Variants in ELP4 observed in about 807,000 individuals in gnomAD.
ELP4 encodes elongator acetyltransferase complex subunit 4, also known as elongator complex protein 4.
Under a neutral mutation model 48.9 loss-of-function variants are expected in ELP4, and 51 were observed. The ratio of observed to expected loss-of-function variants is 1.04; its 90% CI spans 0.83 to 1.32. ELP4 has a LOEUF of 1.32. Ranked by LOEUF, ELP4 falls within the 40% of genes most tolerant of loss-of-function variation. The pLI, the probability that ELP4 is intolerant of heterozygous loss-of-function variation, is 0.00. For missense variants in ELP4, 519 were observed against 514.6 expected (o/e 1.01, Z -0.08); for synonymous variants, 210 against 189.2 (o/e 1.11, Z -0.90).
At chr11:31,685,141 A>G (rs561202706) in intron 9 of ELP4, among the ~76,000 whole-genome samples, 1 of 152,240 alleles carries the variant, frequency 6.6e-6, no homozygotes, top group South Asian at 2.1e-4. Flanking sequence ...TCATGAGGTC[A>G]GGAGATCAAG....
chr11:31,547,197 G>T (rs1459013727), intron 3 of ELP4, among the ~76,000 whole-genome samples: 2 of 152,136 alleles, frequency 1.3e-5, no homozygotes, highest in Non-Finnish European at 2.9e-5. Flanking sequence ...GAATCCAGGA[G>T]CTTGTTTTTT....
At chr11:31,529,169 G>A (rs1441547454) in intron 2 of ELP4, among the ~76,000 whole-genome samples, 1 of 151,654 alleles carries the variant, frequency 6.6e-6, no homozygotes, top group Non-Finnish European at 1.5e-5. Flanking sequence ...CATGAGAAGT[G>A]CAGTGCAGTG....
intron 9 of ELP4, among the ~76,000 whole-genome samples, chr11:31,695,746 C>T (rs1191505497): frequency 7.2e-6 from 1 of 139,130 alleles, no homozygotes; most frequent in Non-Finnish European, 1.6e-5. Context: ...GGAATGGTAC[C>T]AGCTCCTCCT....
intron 9 of ELP4, among the ~76,000 whole-genome samples, chr11:31,690,267 T>C (rs916294548): frequency 6.6e-6 from 1 of 152,090 alleles, no homozygotes; most frequent in Non-Finnish European, 1.5e-5. Context: ...ATTTGGGGCA[T>C]AGCTGCTTTC....
chr11:31,591,816 G>A (rs1468530066), intron 3 of ELP4, among the ~76,000 whole-genome samples: 3 of 152,132 alleles, frequency 2.0e-5, no homozygotes, highest in African/African-American at 4.8e-5. Flanking sequence ...AATATTTACA[G>A]CAGCATTACT....
Position 31,783,497 on chromosome 11 carries a change from C to G in ELP4, c.1248C>G (p.Ala416=), listed in dbSNP as rs61736888. 1 of 1,614,014 alleles carries G rather than the reference C, an allele frequency of 6.2e-7. No individual in the cohort carries two copies. The highest frequency in any genetic ancestry group is 8.5e-7 in the Non-Finnish European group (1 of 1,179,936). Residue 416 remains alanine (A), a synonymous_variant, in exon 10 of 10, where the codon GCC becomes GCG. Coordinates refer to ENST00000640961, the MANE Select transcript of ELP4 (RefSeq NM_019040.5). ...TGGGCCCAGGCTGTGGCATGATGGCCGGAGGCAAGAAGCACCTGGACTTCT... is the reference window on the plus strand; with the variant it reads ...TGGGCCCAGGCTGTGGCATGATGGCGGGAGGCAAGAAGCACCTGGACTTCT... ...KRLGPGCGMM[A]GGKKHLDF is the part of the protein sequence containing the mutation.
chr11:31,615,056 C>A (rs533370900), intron 5 of ELP4, among the ~76,000 whole-genome samples: 2 of 152,150 alleles, frequency 1.3e-5, no homozygotes, highest in South Asian at 4.2e-4. Context: ...TATTGTTCTC[C>A]TCTAGAAGAA....
Position 31,783,410 on chromosome 11 carries a change from A to T in ELP4, c.1161A>T (p.Pro387=), listed in dbSNP as rs751078095. The change falls in exon 10 of 10, where the codon CCA becomes CCT. Residue 387 remains proline, a synonymous_variant. Coordinates refer to ENST00000640961, the MANE Select transcript of ELP4 (RefSeq NM_019040.5). ...TGCCATAGCGACTGCATTTGCCTCC[A>T]GACTTGTCAGACACAGTGAGCCGCT... is the stretch of plus-strand genomic sequence containing the variant. The part of the protein sequence containing the change: ...LFTIERLHLP[P]DLSDTVSRSS... The T allele has an allele frequency of 6.2e-6, 10 of 1,613,528 alleles. No homozygotes were observed. The highest frequency in any genetic ancestry group is 8.5e-6 in the Non-Finnish European group (10 of 1,179,684).
chr11:31,611,331 C>T (rs1353941723), intron 5 of ELP4, among the ~76,000 whole-genome samples: 1 of 152,086 alleles, frequency 6.6e-6, no homozygotes, highest in East Asian at 1.9e-4. Context: ...TTTAAGTAGC[C>T]ATATATAATT....
At chr11:31,665,655 CTTTTTTTTTT>C (rs71060496) in intron 9 of ELP4, among the ~76,000 whole-genome samples, 1 of 79,660 alleles carries the variant, frequency 1.3e-5, no homozygotes, top group African/African-American at 4.2e-5. Flanking sequence ...GTCTCTCTTC[CTTTTTTTTTT>C]TTTTTTTTTT....
chr11:31,771,423 T>C (rs1948140069), intron 9 of ELP4, among the ~76,000 whole-genome samples: 1 of 152,132 alleles, frequency 6.6e-6, no homozygotes, highest in Non-Finnish European at 1.5e-5. Context: ...AGAAATAAGC[T>C]CACATCACTT....
chr11:31,718,981 G>C (rs568214478), intron 9 of ELP4, among the ~76,000 whole-genome samples: 12 of 152,170 alleles, frequency 7.9e-5, no homozygotes, highest in Non-Finnish European at 1.8e-4. Context: ...AGTACAGCCT[G>C]GGCACAGTGG....
chr11:31,691,633 T>C (rs1484303849), intron 9 of ELP4, among the ~76,000 whole-genome samples: 1 of 152,052 alleles, frequency 6.6e-6, no homozygotes, highest in South Asian at 2.1e-4. Flanking sequence ...CTGGCAGTGG[T>C]TTTTTTAACC....
At chr11:31,581,543 G>A (rs139135325) in intron 3 of ELP4, among the ~76,000 whole-genome samples, 318 of 151,498 alleles carry the variant, frequency 2.1e-3, no homozygotes, top group African/African-American at 7.0e-3. Flanking sequence ...TGTTCCTGAC[G>A]TGTTCACACC....
At chr11:31,518,924 T>C (rs1682427222) in intron 1 of ELP4, among the ~76,000 whole-genome samples, 1 of 151,638 alleles carries the variant, frequency 6.6e-6, no homozygotes, top group Non-Finnish European at 1.5e-5. Flanking sequence ...AAATTCCCGT[T>C]TCTCAGCCTC....
At chr11:31,679,464 G>A (rs531067030) in intron 9 of ELP4, among the ~76,000 whole-genome samples, 1 of 152,208 alleles carries the variant, frequency 6.6e-6, no homozygotes, top group South Asian at 2.1e-4. Context: ...TTCTTCTGAG[G>A]CCTCTCTACT....
intron 9 of ELP4, among the ~76,000 whole-genome samples, chr11:31,668,675 C>CATGTGTGTGTGTGGGTGT (rs757792983): frequency 8.3e-6 from 1 of 121,040 alleles, no homozygotes; most frequent in Non-Finnish European, 1.7e-5. Context: ...CCTTTGGTAC[C>CATGTGTGTGTGTGGGTGT]GTGTGTGTGT....
Position 31,787,518 on chromosome 11 carries a change from C to G in ELP4, c.*3994C>G, listed in dbSNP as rs79739975. 1 of 232,968 alleles carries G rather than the reference C, an allele frequency of 4.3e-6. No individual in the cohort carries two copies. Among genetic ancestry groups the G allele is most frequent in the African/African-American group, 2.2e-5 (1 of 45,432 alleles). The allele number at this position is 232,968 out of a possible 1,614,324, so 14.4% of individuals were successfully genotyped here. On this transcript the variant is annotated 3_prime_UTR_variant, in exon 10 of 10. Coordinates refer to ENST00000640961, the MANE Select transcript of ELP4 (RefSeq NM_019040.5). ...GCTGTGGCATGCACTCCCACATAGCCCTTCTCTGACAGTTCCCTCAGCACA... is the reference window on the plus strand; with the variant it reads ...GCTGTGGCATGCACTCCCACATAGCGCTTCTCTGACAGTTCCCTCAGCACA...
At chr11:31,774,757 T>C (rs1948212278) in intron 9 of ELP4, among the ~76,000 whole-genome samples, 1 of 152,314 alleles carries the variant, frequency 6.6e-6, no homozygotes, top group East Asian at 1.9e-4. Context: ...TACCTTTAGG[T>C]AGGTGGTAGA....
Sources: gnomAD v4.1 joint callset for allele counts (sites outside exome capture counted in the v4.1 genomes callset) on GRCh38, gnomAD v4.1.1 for gene constraint, MANE v1.5 for transcripts, NCBI Gene and HGNC (gene_info 2026-07-23, HGNC 2026-07-21) for gene names.